The following BANK1 variants were observed in gnomAD, a reference collection of about 807,000 sequenced individuals.
The protein encoded by BANK1 is B cell scaffold protein with ankyrin repeats 1, also known as B-cell scaffold protein with ankyrin repeats.
In BANK1, 95 loss-of-function variants were observed where a neutral mutation model predicts 94.5. The ratio of observed to expected loss-of-function variants is 1.00; its 90% CI spans 0.85 to 1.19. The LOEUF (loss-of-function observed/expected upper bound fraction) is 1.19, where lower values mean the gene tolerates loss of function less well. Ranked by LOEUF, BANK1 falls within the 50% of genes most tolerant of loss-of-function variation. The pLI is 0.00. For missense variants in BANK1, 987 were observed against 932.2 expected (o/e 1.06, Z -0.77); for synonymous variants, 334 against 308.4 (o/e 1.08, Z -0.87).
intron 1 of BANK1, among the ~76,000 whole-genome samples, chr4:101,826,563 G>A (rs1268433566): frequency 1.3e-5 from 2 of 151,806 alleles, no homozygotes; most frequent in Non-Finnish European, 2.9e-5. Context: ...TATGCAATAT[G>A]AAGAAAACCC....
intron 7 of BANK1, among the ~76,000 whole-genome samples, chr4:101,992,041 A>G (rs1205800336): frequency 2.0e-5 from 3 of 152,136 alleles, no homozygotes; most frequent in Non-Finnish European, 2.9e-5. Context: ...TGTTACGGAA[A>G]CCCTTCAATT....
At chr4:101,930,066 T>C (rs1470442025) in intron 7 of BANK1, among the ~76,000 whole-genome samples, 2 of 151,334 alleles carry the variant, frequency 1.3e-5, no homozygotes, top group African/African-American at 4.8e-5. Context: ...TTTATTAGAC[T>C]ATAAATTTGA....
chr4:101,841,149 T>TA (rs1314052773), intron 2 of BANK1, among the ~76,000 whole-genome samples: 1 of 152,092 alleles, frequency 6.6e-6, no homozygotes, highest in Non-Finnish European at 1.5e-5. Context: ...TGTATATATT[T>TA]AAAAGCTTTT....
intron 2 of BANK1, among the ~76,000 whole-genome samples, chr4:101,835,527 A>G (rs1213308532): frequency 6.6e-6 from 1 of 152,218 alleles, no homozygotes; most frequent in African/African-American, 2.4e-5. Context: ...CAAGGATTTC[A>G]AATTTTTAGC....
chr4:102,016,746 G>T (rs766466166), intron 7 of BANK1, among the ~76,000 whole-genome samples: 3 of 152,036 alleles, frequency 2.0e-5, no homozygotes, highest in Non-Finnish European at 4.4e-5. Context: ...CTCCCTTCTG[G>T]TTTTTCCCTT....
intron 1 of BANK1, among the ~76,000 whole-genome samples, chr4:101,828,788 T>C (rs1474572632): frequency 6.6e-6 from 1 of 152,144 alleles, no homozygotes; most frequent in Non-Finnish European, 1.5e-5. Context: ...TGTGGTGACT[T>C]TGTTTTCTTT....
rs1728859679 is a variant in BANK1 at position 102,074,473 on chromosome 4, T to C, written c.*474T>C. The C allele has an allele frequency of 6.6e-6, 1 of 152,076 alleles. No individual in the cohort carries two copies. The highest frequency in any genetic ancestry group is 1.5e-5 in the Non-Finnish European group (1 of 67,918). 9.4% of individuals were successfully genotyped at this position (152,076 alleles called of 1,614,324 possible). Reference sequence around the variant, plus strand: ...TTTCTGAATTTCTCACATTCAGAGTTCCAGTCATTATTGTTACATCATGTT... The same window carrying C: ...TTTCTGAATTTCTCACATTCAGAGTCCCAGTCATTATTGTTACATCATGTT... On this transcript the variant is annotated 3_prime_UTR_variant, in exon 17 of 17. Coordinates refer to ENST00000322953, the MANE Select transcript of BANK1 (RefSeq NM_017935.5).
At chr4:101,941,979 A>G (rs1032019677) in intron 7 of BANK1, among the ~76,000 whole-genome samples, 8 of 151,858 alleles carry the variant, frequency 5.3e-5, no homozygotes, top group Admixed American at 3.9e-4. Flanking sequence ...CACATTTTCT[A>G]TTGTACCATT....
intron 5 of BANK1, among the ~76,000 whole-genome samples, chr4:101,877,802 T>A (rs553847577): frequency 2.0e-5 from 3 of 152,152 alleles, no homozygotes; most frequent in African/African-American, 7.2e-5. Flanking sequence ...GGAGACTTGC[T>A]TGAACCCAGG....
chr4:102,035,444 T>G (rs935376575), intron 10 of BANK1, among the ~76,000 whole-genome samples: 1 of 151,670 alleles, frequency 6.6e-6, no homozygotes, highest in Non-Finnish European at 1.5e-5. Flanking sequence ...GTCAGGAGAG[T>G]GAGACCATCC....
At chr4:101,901,380 G>T (rs1055209487) in intron 6 of BANK1, among the ~76,000 whole-genome samples, 1 of 152,176 alleles carries the variant, frequency 6.6e-6, no homozygotes, top group Middle Eastern at 3.2e-3. Flanking sequence ...CAGATAAAAC[G>T]TAGAACAGGT....
intron 7 of BANK1, among the ~76,000 whole-genome samples, chr4:101,987,873 C>A (rs1426535062): frequency 6.6e-6 from 1 of 152,118 alleles, no homozygotes. Flanking sequence ...GGCAACGAAA[C>A]ATGAGTAGCA....
At chr4:101,976,434 A>T (rs1180048442) in intron 7 of BANK1, among the ~76,000 whole-genome samples, 3 of 152,126 alleles carry the variant, frequency 2.0e-5, no homozygotes, top group African/African-American at 7.2e-5. Context: ...AGAGATTTTG[A>T]GTTATTTTAA....
intron 6 of BANK1, among the ~76,000 whole-genome samples, chr4:101,900,207 C>T (rs1044987384): frequency 1.6e-4 from 25 of 152,242 alleles, no homozygotes; most frequent in South Asian, 2.1e-4. Flanking sequence ...CAGAAACAGG[C>T]GGCCTGTATA....
At chr4:101,939,807 A>G (rs1723683302) in intron 7 of BANK1, among the ~76,000 whole-genome samples, 1 of 151,712 alleles carries the variant, frequency 6.6e-6, no homozygotes, top group South Asian at 2.1e-4. Context: ...ATAAAACCAC[A>G]TTTTGAATGT....
At chr4:101,833,078 C>T (rs1294765743) in intron 2 of BANK1, among the ~76,000 whole-genome samples, 2 of 152,012 alleles carry the variant, frequency 1.3e-5, no homozygotes, top group Non-Finnish European at 2.9e-5. Context: ...CTCCCAGGTT[C>T]AAGCAATTCT....
At chr4:102,002,555 A>G (rs1481552907) in intron 7 of BANK1, among the ~76,000 whole-genome samples, 2 of 146,862 alleles carry the variant, frequency 1.4e-5, no homozygotes, top group Non-Finnish European at 3.0e-5. Context: ...ACACACACAC[A>G]CACACACACA....
At position 102,007,741 on chromosome 4, in the gene BANK1, A is replaced by G. The variant is rs140787440; in HGVS notation, c.1207-13773A>G. Among the ~76,000 whole-genome samples the G allele has an allele frequency of 2.3e-3, 344 of 152,266 alleles. 3 individuals carry two copies. Among genetic ancestry groups the G allele is most frequent in the Admixed American group, 4.7e-3 (72 of 15,286 alleles). The stretch of plus-strand genomic sequence containing the variant: ...AAGACAGTGAAATAAAGAATTTTCT[A>G]TATTTCTATTGATCAGGAATATTCA... On this transcript the variant is annotated intron_variant, in intron 7 of 16. Transcript: ENST00000322953.
chr4:101,924,533 A>C (rs1273308382), intron 7 of BANK1, among the ~76,000 whole-genome samples: 1 of 151,808 alleles, frequency 6.6e-6, no homozygotes, highest in East Asian at 1.9e-4. Context: ...AAACAGAAGC[A>C]GAAAGGGTCA....
Sources: gnomAD v4.1 joint callset for allele counts (sites outside exome capture counted in the v4.1 genomes callset) on GRCh38, gnomAD v4.1.1 for gene constraint, MANE v1.5 for transcripts, NCBI Gene and HGNC (gene_info 2026-07-23, HGNC 2026-07-21) for gene names.